SIRT1: variants seen among roughly 807,000 people sequenced by gnomAD.
SIRT1 encodes NAD-dependent protein deacetylase sirtuin-1.
SIRT1 carries 24 observed loss-of-function variants against 67.9 expected under a neutral mutation model. That is an observed-to-expected ratio of 0.35 (90% CI 0.26 to 0.50). The LOEUF (loss-of-function observed/expected upper bound fraction) is 0.50, where lower values mean the gene tolerates loss of function less well. Ranked by LOEUF, SIRT1 falls within the 20% of genes least tolerant of loss-of-function variation. The pLI is 0.98. For missense variants in SIRT1, 873 were observed against 937.2 expected (o/e 0.93, Z 0.89); for synonymous variants, 378 against 350.7 (o/e 1.08, Z -0.87).
chr10:67,892,598 C>G (rs1478961335), intron 4 of SIRT1, among the ~76,000 whole-genome samples: 2 of 145,864 alleles, frequency 1.4e-5, no homozygotes, highest in Non-Finnish European at 3.0e-5. Context: ...TTGAAGTTTA[C>G]TTTTTTTTTT....
rs1483663888 is a variant in SIRT1 at position 67,884,893 on chromosome 10, C to T, written c.172C>T (p.Arg58Cys). 3 of 1,218,548 alleles carry T rather than the reference C, an allele frequency of 2.5e-6. No individual in the cohort carries two copies. The highest frequency in any genetic ancestry group is 1.6e-5 in the African/African-American group (1 of 63,328). The allele number at this position is 1,218,548 out of a possible 1,614,324, so 75.5% of individuals were successfully genotyped here. A position where few individuals can be genotyped will look rare whatever the true frequency, so the allele number is the denominator to read the frequency against. ...PGEPGGAAPE[R>C]EVPAAARGCP... ...CGAGCCCGGTGGGGCGGCCCCAGAG[C>T]GTGAGGTGCCGGCGGCGGCCAGGGG... The change falls in exon 1 of 9, where the codon CGT becomes TGT. Residue 58 changes from arginine to cysteine, a missense_variant. Arg to Cys is a radical substitution (Grantham distance 180, BLOSUM62 -3). Coordinates refer to ENST00000212015, the MANE Select transcript of SIRT1 (RefSeq NM_012238.5).
chr10:67,887,272 T>C, intron 1 of SIRT1, 145 bp from the exon 2 acceptor site: 1 of 601,090 alleles, frequency 1.7e-6, no homozygotes, highest in Non-Finnish European at 3.0e-6. Flanking sequence ...CAATGAACAG[T>C]GCAAGCTGAC....
At chr10:67,900,829 T>A (rs911339537) in intron 4 of SIRT1, among the ~76,000 whole-genome samples, 1 of 152,222 alleles carries the variant, frequency 6.6e-6, no homozygotes, top group South Asian at 2.1e-4. Context: ...TTTAGCCATT[T>A]TTCTCCATTT....
intron 3 of SIRT1, among the ~76,000 whole-genome samples, chr10:67,890,596 G>A (rs1407781056): frequency 6.6e-6 from 1 of 151,976 alleles, no homozygotes; most frequent in African/African-American, 2.4e-5. Flanking sequence ...AGCCTGGTGT[G>A]CTGGTGCGTA....
intron 1 of SIRT1, among the ~76,000 whole-genome samples, chr10:67,885,953 T>C (rs889318082): frequency 1.4e-5 from 2 of 143,616 alleles, no homozygotes; most frequent in Non-Finnish European, 3.0e-5. Flanking sequence ...TTTTTTTTTT[T>C]TTTTTTTTTT....
At chr10:67,902,818 G>C (rs900739267) in intron 4 of SIRT1, among the ~76,000 whole-genome samples, 6 of 152,292 alleles carry the variant, frequency 3.9e-5, no homozygotes, top group Admixed American at 3.9e-4. Context: ...TTTTGGCTGG[G>C]CACAGTGGCT....
chr10:67,907,402 C>T (rs1256547766), intron 5 of SIRT1, among the ~76,000 whole-genome samples: 2 of 146,544 alleles, frequency 1.4e-5, no homozygotes, highest in Non-Finnish European at 3.0e-5. Context: ...GGCTGAGGCA[C>T]GAGAATCACT....
chr10:67,905,391 CAA>C (rs912536970), intron 4 of SIRT1, among the ~76,000 whole-genome samples: 1 of 152,142 alleles, frequency 6.6e-6, no homozygotes, highest in Non-Finnish European at 1.5e-5. Context: ...TCTTAAATTG[CAA>C]AGAGTTATTC....
Position 67,891,449 on chromosome 10 carries a change from T to TTATG in SIRT1, c.838_841dup (p.Ala281ValfsTer19). 6.2e-7 allele frequency: 1 copy of TTATG among 1,614,104 alleles called. No individual in the cohort carries two copies. The highest frequency in any genetic ancestry group is 8.5e-7 in the Non-Finnish European group (1 of 1,179,974). ...CTGACTTCAGGTCAAGGGATGGTAT[T>TTATG]TATGCTCGCCTTGCTGTAGACTTCC... On this transcript the variant is annotated frameshift_variant, in exon 4 of 9. Transcript: ENST00000212015. LOFTEE classifies it high-confidence loss of function.
intron 1 of SIRT1, 150 bp downstream of exon 1, chr10:67,885,301 C>A: frequency 6.4e-6 from 8 of 1,241,040 alleles, no homozygotes; most frequent in Non-Finnish European, 8.1e-6. Flanking sequence ...CCGCGCTCCT[C>A]CGGGGCTGCG....
At chr10:67,895,984 C>A (rs561538603) in intron 4 of SIRT1, among the ~76,000 whole-genome samples, 113 of 152,024 alleles carry the variant, frequency 7.4e-4, no homozygotes, top group Middle Eastern at 6.8e-3. Flanking sequence ...TCAGGTGATC[C>A]GCCCGCCTAG....
In SIRT1 at chr10:67,918,261, A is replaced by G. The variant is rs200446075; in HGVS notation, c.*1668A>G. The G allele has an allele frequency of 1.3e-5, 2 of 152,606 alleles. No homozygotes were observed. The highest frequency in any genetic ancestry group is 2.4e-5 in the African/African-American group (1 of 41,444). 9.5% of individuals were successfully genotyped at this position (152,606 alleles called of 1,614,324 possible). A position where few individuals can be genotyped will look rare whatever the true frequency, so the allele number is the denominator to read the frequency against. ...ATAGTCTTTTATGTAATTTACTGGC[A>G]TATGTTTTGTAGACTGTTTAATGAC... On this transcript the variant is annotated 3_prime_UTR_variant, in exon 9 of 9. Transcript: ENST00000212015.
At chr10:67,891,271 T>G in intron 3 of SIRT1, 131 bp from the exon 4 acceptor site, 1 of 728,920 alleles carries the variant, frequency 1.4e-6, no homozygotes. Flanking sequence ...GGTTGTATTT[T>G]TATTTCTTAA....
chr10:67,910,872 G>A (rs1842889334), intron 7 of SIRT1, among the ~76,000 whole-genome samples: 1 of 152,162 alleles, frequency 6.6e-6, no homozygotes, highest in Non-Finnish European at 1.5e-5. Flanking sequence ...CATCAGATGT[G>A]TCCTTTCATA....
At chr10:67,909,668 G>A (rs1241316464) in intron 7 of SIRT1, among the ~76,000 whole-genome samples, 7 of 151,802 alleles carry the variant, frequency 4.6e-5, no homozygotes, top group African/African-American at 7.3e-5. Context: ...TCCGCCTCCC[G>A]GGTTCAAGCG....
chr10:67,908,461 G>A (rs964696957), intron 6 of SIRT1, among the ~76,000 whole-genome samples: 1 of 151,990 alleles, frequency 6.6e-6, no homozygotes, highest in African/African-American at 2.4e-5. Context: ...ATTAGTTATG[G>A]TAATCTAAAA....
In SIRT1 at chr10:67,917,956, G is replaced by A. The variant is rs1483343509; in HGVS notation, c.*1363G>A. On this transcript the variant is annotated 3_prime_UTR_variant, in exon 9 of 9. Coordinates refer to ENST00000212015, the MANE Select transcript of SIRT1 (RefSeq NM_012238.5). ...AATAAAGTATTCCTCTGTTGCTTTAGTATTTATTACAATAAAAAGGGTTTG... is the reference window on the plus strand; with the variant it reads ...AATAAAGTATTCCTCTGTTGCTTTAATATTTATTACAATAAAAAGGGTTTG... The A allele has an allele frequency of 6.6e-6, 1 of 152,384 alleles. No individual in the cohort carries two copies. The highest frequency in any genetic ancestry group is 2.4e-5 in the African/African-American group (1 of 41,416). 9.4% of individuals were successfully genotyped at this position (152,384 alleles called of 1,614,324 possible). A position where few individuals can be genotyped will look rare whatever the true frequency, so the allele number is the denominator to read the frequency against.
In SIRT1 at chr10:67,887,464, T is replaced by A. The variant is rs763883280; in HGVS notation, c.478T>A (p.Cys160Ser). The A allele has an allele frequency of 2.2e-5, 36 of 1,613,804 alleles. 1 individual carries two copies. Among genetic ancestry groups the A allele is most frequent in the Non-Finnish European group, 5.9e-6 (7 of 1,179,834 alleles). ...AATTATCACTAATGGTTTTCATTCC[T>A]GTGAAAGTGATGAGGAGGATAGAGC... ...DEIITNGFHS[C>S]ESDEEDRASH... Residue 160 changes from cysteine (C) to serine (S), a missense_variant, in exon 2 of 9, where the codon TGT becomes AGT. Around this residue, in one of 3 missense-constraint regions of SIRT1, gnomAD observed 327 missense variants for 283.9 expected, o/e 1.15. Transcript: ENST00000212015.
chr10:67,906,149 C>G, intron 4 of SIRT1: 2 of 1,324,650 alleles, frequency 1.5e-6, no homozygotes, highest in Non-Finnish European at 9.7e-7. Context: ...TATCTGAATT[C>G]TTTGTTTTTA....
Sources: gnomAD v4.1 joint callset for allele counts (sites outside exome capture counted in the v4.1 genomes callset) on GRCh38, gnomAD v4.1.1 for gene constraint, gnomAD v4.1.1 regional missense constraint, MANE v1.5 for transcripts, NCBI Gene and HGNC (gene_info 2026-07-23, HGNC 2026-07-21) for gene names.